The following SLFN5 variants were observed in gnomAD, a reference collection of about 807,000 sequenced individuals.
SLFN5 encodes schlafen family member 5.
In SLFN5, 34 loss-of-function variants were observed where a neutral mutation model predicts 48.5. The observed-to-expected ratio is 0.70, with a 90% CI of 0.53 to 0.93. The LOEUF (loss-of-function observed/expected upper bound fraction) is 0.93, where lower values mean the gene tolerates loss of function less well. SLFN5 is among the 40% of genes least tolerant of loss of function. The probability of loss-of-function intolerance (pLI) is 0.00; values close to 1 mark genes in which losing one functional copy is unlikely to be tolerated. For synonymous variants in SLFN5, 387 were observed against 396.2 expected (o/e 0.98, Z 0.28); for missense variants, 1,006 against 1,071.3 (o/e 0.94, Z 0.85).
At position 35,265,469 on chromosome 17, in the gene SLFN5, G is replaced by A; in HGVS notation, c.2257G>A (p.Gly753Ser). The A allele has an allele frequency of 6.2e-7, 1 of 1,614,206 alleles. No individual in the cohort carries two copies. Among genetic ancestry groups the A allele is most frequent in the Non-Finnish European group, 8.5e-7 (1 of 1,180,050 alleles). The change falls in exon 5 of 5, where the codon GGT becomes AGT. Residue 753 changes from glycine (G) to serine (S), a missense_variant. Coordinates refer to ENST00000299977, the MANE Select transcript of SLFN5 (RefSeq NM_144975.4). ...VMLYEPKWAQ[G>S]VPGNLEIIED... ...GCTCTATGAACCTAAATGGGCTCAAGGTGTCCCAGGCAACTTAGAGATTAT... is the reference window on the plus strand; with the variant it reads ...GCTCTATGAACCTAAATGGGCTCAAAGTGTCCCAGGCAACTTAGAGATTAT...
rs763881941 is a variant in SLFN5, at chr17:35,265,085, A to G, written c.1873A>G (p.Asn625Asp). Residue 625 changes from asparagine to aspartate, a missense_variant, in exon 5 of 5, where the codon AAC becomes GAC. Transcript: ENST00000299977. ...TGTTTCTTACAGTTTCAGCAAGAAA[A>G]ACATCTGCCAGCCAGTGACCCGGAA... ...LKKLVSFSKK[N>D]ICQPVTRKTF... 6.2e-7 allele frequency: 1 copy of G among 1,609,046 alleles called. No individual in the cohort carries two copies. Among genetic ancestry groups the G allele is most frequent in the Non-Finnish European group, 8.5e-7 (1 of 1,177,824 alleles).
At chr17:35,243,886 C>A (rs1050798824) in intron 1 of SLFN5, among the ~76,000 whole-genome samples, 1 of 152,082 alleles carries the variant, frequency 6.6e-6, no homozygotes, top group Non-Finnish European at 1.5e-5. Flanking sequence ...TTGGCCAAAG[C>A]GAGAAGGCAA....
At chr17:35,248,005 C>G (rs993463463) in intron 1 of SLFN5, among the ~76,000 whole-genome samples, 24 of 152,218 alleles carry the variant, frequency 1.6e-4, no homozygotes, top group African/African-American at 5.6e-4. Context: ...AGGTGCCCAA[C>G]TGTACGGTTG....
rs1205379404 is a variant in SLFN5 at position 35,259,571 on chromosome 17, G to A, written c.881G>A (p.Cys294Tyr). 2 of 1,613,496 alleles carry A rather than the reference G, an allele frequency of 1.2e-6. No homozygotes were observed. Among genetic ancestry groups the A allele is most frequent in the Non-Finnish European group, 1.7e-6 (2 of 1,180,028 alleles). ...HDKGALRGYV[C>Y]AIKVEKFCCA... The stretch of plus-strand genomic sequence containing the variant: ...AAGGGGGCCCTCCGTGGATATGTCT[G>A]TGCAATCAAGGTGGAGAAATTCTGC... The change falls in exon 2 of 5, where the codon TGT becomes TAT. Residue 294 changes from cysteine (C) to tyrosine (Y), a missense_variant. By Grantham distance (194) the Cys-to-Tyr change is radical. Transcript: ENST00000299977.
At chr17:35,262,666 C>T (rs946523988) in intron 3 of SLFN5, among the ~76,000 whole-genome samples, 1 of 151,986 alleles carries the variant, frequency 6.6e-6, no homozygotes, top group Non-Finnish European at 1.5e-5. Context: ...AGTTCAAGAC[C>T]AGCCTAGGCA....
intron 2 of SLFN5, 92 bp from the exon 3 acceptor site, chr17:35,260,879 G>A (rs1904500950): frequency 6.7e-7 from 1 of 1,490,074 alleles, no homozygotes; most frequent in Non-Finnish European, 9.0e-7. Context: ...GGCTTGAGTT[G>A]TAAGACTAGG....
At chr17:35,259,769 A>G (rs934004215) in intron 2 of SLFN5, 67 bp downstream of exon 2, 1 of 1,539,552 alleles carries the variant, frequency 6.5e-7, no homozygotes, top group Non-Finnish European at 8.8e-7. Context: ...GTCAGAGAGG[A>G]AAGAGGGATA....
In SLFN5 at chr17:35,264,695, G is replaced by A. The variant is rs560501787; in HGVS notation, c.1651G>A (p.Glu551Lys). The A allele has an allele frequency of 2.5e-6, 4 of 1,610,900 alleles. No homozygotes were observed. The African/African-American group carries it at 5.4e-5, about 22-fold the overall frequency. Residue 551 changes from glutamate to lysine, a missense_variant, in exon 4 of 5, where the codon GAG (glutamate) becomes AAG (lysine). Transcript: ENST00000299977. ...KSFLSEELGS[E>K]VLNLLTNKQY... ...CTTCTTAAGTGAAGAGCTGGGCTCT[G>A]AGGTTTTGAACCTACTGACAAATAA...
At chr17:35,262,203 A>T (rs931961269) in intron 3 of SLFN5, among the ~76,000 whole-genome samples, 10 of 151,428 alleles carry the variant, frequency 6.6e-5, no homozygotes, top group African/African-American at 2.4e-4. Context: ...ACACAGTGAA[A>T]CCCTGTCTCT....
chr17:35,246,810 C>T (rs903881201), intron 1 of SLFN5, among the ~76,000 whole-genome samples: 5 of 150,730 alleles, frequency 3.3e-5, no homozygotes, highest in African/African-American at 4.9e-5. Context: ...ACCGAAATAG[C>T]ACCACTGCAC....
chr17:35,261,781 T>C (rs1413513897), intron 3 of SLFN5, among the ~76,000 whole-genome samples: 1 of 150,934 alleles, frequency 6.6e-6, no homozygotes, highest in East Asian at 2.0e-4. Flanking sequence ...GTTCAAGCAG[T>C]TCTTCTGCCT....
At position 35,264,819 on chromosome 17, in the gene SLFN5, T is replaced by C; in HGVS notation, c.1775T>C (p.Met592Thr). The C allele has an allele frequency of 1.3e-6, 2 of 1,597,406 alleles. No individual in the cohort carries two copies. Among genetic ancestry groups the C allele is most frequent in the African/African-American group, 1.3e-5 (1 of 74,280 alleles). The change falls in exon 4 of 5, where the codon ATG (methionine) becomes ACG (threonine). Residue 592 changes from methionine (M) to threonine (T), a missense_variant. Met to Thr is a moderately conservative substitution (Grantham distance 81). Coordinates refer to ENST00000299977, the MANE Select transcript of SLFN5 (RefSeq NM_144975.4). ...SGKTILALRI[M>T]EKIRNVFHCE... ...AAGACTATCTTGGCTCTTAGGATCA[T>C]GGAGAAGATCAGGAATGTGTTTCAC...
rs149039951 is a variant in SLFN5 at position 35,259,310 on chromosome 17, G to T, written c.620G>T (p.Cys207Phe). 1.6e-5 allele frequency: 26 copies of T among 1,614,038 alleles called. No homozygotes were observed. The highest frequency in any genetic ancestry group is 2.0e-5 in the Non-Finnish European group (24 of 1,180,044). Residue 207 changes from cysteine (C) to phenylalanine (F), a missense_variant, in exon 2 of 5, where the codon TGT becomes TTT. By Grantham distance (205) the Cys-to-Phe change is radical. Coordinates refer to ENST00000299977, the MANE Select transcript of SLFN5 (RefSeq NM_144975.4). ...ATGTTCTCGACAGACGTGTCACACT[G>T]TGTTAAAGACAGACTTCCGAAGTGT... Reference protein sequence around the residue: ...FVMFSTDVSHCVKDRLPKCVS... With the variant: ...FVMFSTDVSHFVKDRLPKCVS...
Position 35,265,670 on chromosome 17 carries a change from C to T in SLFN5, c.2458C>T (p.His820Tyr). Reference sequence around the variant, plus strand: ...GAGGAAGAGAAAACTGTCTCAGCTCCATGAGGAGTCTGATCTGTTACTACA... The same window carrying T: ...GAGGAAGAGAAAACTGTCTCAGCTCTATGAGGAGTCTGATCTGTTACTACA... ...AMRKRKLSQL[H>Y]EESDLLLQIG... Residue 820 changes from histidine to tyrosine, a missense_variant, in exon 5 of 5, where the codon CAT becomes TAT. Transcript: ENST00000299977. 2 of 1,614,162 alleles carry T rather than the reference C, an allele frequency of 1.2e-6. No homozygotes were observed. Among genetic ancestry groups the T allele is most frequent in the Non-Finnish European group, 1.7e-6 (2 of 1,180,004 alleles).
chr17:35,256,066 T>G (rs1276148601), intron 1 of SLFN5, among the ~76,000 whole-genome samples: 1 of 152,230 alleles, frequency 6.6e-6, no homozygotes, highest in Non-Finnish European at 1.5e-5. Context: ...TCATTCAAAA[T>G]AGTGCATGTA....
Position 35,264,226 on chromosome 17 carries a change from G to A in SLFN5, c.1182G>A (p.Lys394=), listed in dbSNP as rs1411622973. The change falls in exon 4 of 5, where the codon AAG becomes AAA. Residue 394 remains lysine, a synonymous_variant. Transcript: ENST00000299977. ...RVVYTPESLY[K]ELFSQHKGLR... ...TATATACTCCAGAAAGCCTCTACAA[G>A]GAACTCTTCTCACAACATAAAGGAC... 1.9e-6 allele frequency: 3 copies of A among 1,613,422 alleles called. No individual in the cohort carries two copies. The Admixed American group carries it at 5.0e-5, about 27-fold the overall frequency.
chr17:35,263,824 A>AG (rs930315577), intron 3 of SLFN5, among the ~76,000 whole-genome samples: 7 of 151,348 alleles, frequency 4.6e-5, no homozygotes, highest in Admixed American at 1.3e-4. Flanking sequence ...AAAAAAAAAA[A>AG]AAGAAGAAGA....
Position 35,255,178 on chromosome 17 carries a change from G to A in SLFN5, c.-40-3473G>A, listed in dbSNP as rs541357369. Among the ~76,000 whole-genome samples, 353 of 152,192 alleles carry A rather than the reference G, an allele frequency of 2.3e-3. 2 individuals are homozygous for A. Among genetic ancestry groups the A allele is most frequent in the Non-Finnish European group, 3.8e-3 (256 of 68,010 alleles). On this transcript the variant is annotated intron_variant, in intron 1 of 4. Coordinates refer to ENST00000299977, the MANE Select transcript of SLFN5 (RefSeq NM_144975.4). ...TCTAATTAGAAAAAGGATTAATGAT[G>A]TTAAAAAAGACAAATCTTATTGTTA...
At position 35,265,846 on chromosome 17, in the gene SLFN5, T is replaced by C. The variant is rs748564003; in HGVS notation, c.2634T>C (p.Ser878=). ...ACAATCTTCTGCTCTGTTTGGCTTC[T>C]AGGGCAAAAAGACATCTGTATATTC... The part of the protein sequence containing the change: ...GAYNLLLCLA[S]RAKRHLYILK... The change falls in exon 5 of 5, where the codon TCT becomes TCC. Residue 878 remains serine (S), a synonymous_variant. Transcript: ENST00000299977. 1.2e-6 allele frequency: 2 copies of C among 1,610,902 alleles called. No individual in the cohort carries two copies. The highest frequency in any genetic ancestry group is 1.7e-6 in the Non-Finnish European group (2 of 1,179,048).
Sources: gnomAD v4.1 joint callset for allele counts (sites outside exome capture counted in the v4.1 genomes callset) on GRCh38, gnomAD v4.1.1 for gene constraint, MANE v1.5 for transcripts, NCBI Gene and HGNC (gene_info 2026-07-23, HGNC 2026-07-21) for gene names.